The following AGBL4 variants were observed in gnomAD, a reference collection of about 807,000 sequenced individuals.
AGBL4 encodes AGBL carboxypeptidase 4, also known as cytosolic carboxypeptidase 6.
AGBL4 carries 58 observed loss-of-function variants against 66.4 expected under a neutral mutation model. The ratio of observed to expected loss-of-function variants is 0.87; its 90% CI spans 0.71 to 1.09. The LOEUF (loss-of-function observed/expected upper bound fraction) is 1.09. AGBL4 is among the 50% of genes least tolerant of loss of function. The probability of loss-of-function intolerance (pLI) is 0.00; values close to 1 mark genes in which losing one functional copy is unlikely to be tolerated. For missense variants in AGBL4, 579 were observed against 631.0 expected (o/e 0.92, Z 0.88); for synonymous variants, 234 against 222.9 (o/e 1.05, Z -0.44).
intron 4 of AGBL4, among the ~76,000 whole-genome samples, chr1:49,135,245 A>G (rs888336249): frequency 6.6e-6 from 1 of 152,124 alleles, no homozygotes; most frequent in African/African-American, 2.4e-5. Context: ...ATGATATATA[A>G]AATGTTTGTG....
At chr1:48,746,352 T>C (rs10888620) in intron 6 of AGBL4, among the ~76,000 whole-genome samples, 90,254 of 151,962 alleles carry the variant, frequency 0.59, 29,967 homozygotes, top group Non-Finnish European at 0.77. Flanking sequence ...GCTGTTCTGC[T>C]TTTGCCCCTA....
chr1:49,236,635 CA>C (rs1557754698), intron 4 of AGBL4, among the ~76,000 whole-genome samples: 2 of 152,086 alleles, frequency 1.3e-5, no homozygotes, highest in African/African-American at 2.4e-5. Context: ...AAAGTTTCCC[CA>C]AAGACTGCAT....
At chr1:49,969,244 C>A (rs1218065196) in intron 1 of AGBL4, among the ~76,000 whole-genome samples, 1 of 152,132 alleles carries the variant, frequency 6.6e-6, no homozygotes, top group Non-Finnish European at 1.5e-5. Flanking sequence ...ATGTATACAA[C>A]TCGATGAGTT....
chr1:48,814,757 G>A lies in AGBL4; in HGVS notation c.634+52434C>T, dbSNP rs142863304. ...CAGGATGTCAGTCTTTTTGATGATT[G>A]ACTAGTATTCCATTGTGTATATACA... On this transcript the variant is annotated intron_variant, in intron 6 of 13. Transcript: ENST00000371839. Among the ~76,000 whole-genome samples the A allele has an allele frequency of 2.6e-5, 4 of 151,962 alleles. No individual in the cohort carries two copies. In the East Asian group the frequency reaches 7.7e-4, roughly 29 times the overall value.
At chr1:48,903,714 T>C (rs536735176) in intron 5 of AGBL4, among the ~76,000 whole-genome samples, 11 of 152,288 alleles carry the variant, frequency 7.2e-5, no homozygotes, top group African/African-American at 2.4e-4. Context: ...GTGCTAGGCA[T>C]TGGGGAGATA....
chr1:49,298,818 T>G (rs1006010206), intron 3 of AGBL4, among the ~76,000 whole-genome samples: 3 of 152,224 alleles, frequency 2.0e-5, no homozygotes, highest in Non-Finnish European at 4.4e-5. Flanking sequence ...AAACTTTCTT[T>G]GAATCATTTT....
chr1:48,701,752 T>A (rs78158604), intron 6 of AGBL4, among the ~76,000 whole-genome samples: 1 of 152,240 alleles, frequency 6.6e-6, no homozygotes, highest in Non-Finnish European at 1.5e-5. Flanking sequence ...ATTCACCAAA[T>A]AGTTTTTGAG....
chr1:49,581,730 T>A (rs1644545368), intron 3 of AGBL4, among the ~76,000 whole-genome samples: 1 of 152,190 alleles, frequency 6.6e-6, no homozygotes, highest in Admixed American at 6.5e-5. Context: ...GTAGTGGTGA[T>A]GAGCTATTCA....
chr1:49,870,682 A>G (rs1321711673), intron 1 of AGBL4, among the ~76,000 whole-genome samples: 1 of 152,110 alleles, frequency 6.6e-6, no homozygotes, highest in African/African-American at 2.4e-5. Context: ...AAAGATTTGA[A>G]TAAGTGTTTC....
At chr1:49,599,976 G>A (rs576747768) in intron 3 of AGBL4, among the ~76,000 whole-genome samples, 5 of 152,210 alleles carry the variant, frequency 3.3e-5, no homozygotes, top group Admixed American at 3.3e-4. Context: ...TCTGAGAGAC[G>A]ATTGGTTATG....
rs1185946327 is a variant in AGBL4 at position 49,557,039 on chromosome 1, G to A, written c.282+140274C>T. ...CCCAGCCCTCGCTCACTCGGAACTC[G>A]CACTGGCCCGTGATTGCTGCGTGCA... is the stretch of plus-strand genomic sequence containing the variant. On this transcript the variant is annotated intron_variant, in intron 3 of 13. Transcript: ENST00000371839. 6.6e-5 allele frequency among the ~76,000 whole-genome samples: 10 copies of A among 152,172 alleles called. No homozygotes were observed. In the East Asian group the frequency reaches 1.6e-3, roughly 24 times the overall value.
chr1:48,929,009 A>T (rs1278164816), intron 5 of AGBL4, among the ~76,000 whole-genome samples: 1 of 152,108 alleles, frequency 6.6e-6, no homozygotes, highest in Non-Finnish European at 1.5e-5. Flanking sequence ...TTGGTTAGTT[A>T]TGCTACCTGC....
chr1:49,389,713 C>G (rs574583811), intron 3 of AGBL4, among the ~76,000 whole-genome samples: 7 of 152,076 alleles, frequency 4.6e-5, no homozygotes, highest in Non-Finnish European at 8.8e-5. Flanking sequence ...GTTTATAGAG[C>G]TGACAGTGAG....
chr1:50,007,539 G>A (rs917425592), intron 1 of AGBL4, among the ~76,000 whole-genome samples: 2 of 152,150 alleles, frequency 1.3e-5, no homozygotes, highest in Non-Finnish European at 2.9e-5. Context: ...GAGGAGGGAG[G>A]ATTGGTTGAG....
chr1:49,718,728 G>A (rs994353453), intron 2 of AGBL4, among the ~76,000 whole-genome samples: 3 of 151,850 alleles, frequency 2.0e-5, no homozygotes, highest in Non-Finnish European at 4.4e-5. Flanking sequence ...AGAATAATGA[G>A]GGTATCTGCT....
chr1:48,802,193 G>A (rs1645825438), intron 6 of AGBL4, among the ~76,000 whole-genome samples: 1 of 152,036 alleles, frequency 6.6e-6, no homozygotes, highest in African/African-American at 2.4e-5. Flanking sequence ...AACACACCAT[G>A]CTTTTTTATG....
intron 9 of AGBL4, among the ~76,000 whole-genome samples, chr1:48,608,572 T>TGGAC: frequency 1.3e-5 from 2 of 151,770 alleles, no homozygotes; most frequent in African/African-American, 4.8e-5. Context: ...GATGGATGGA[T>TGGAC]AGATGGATGG....
At chr1:49,770,069 G>A (rs866751194) in intron 2 of AGBL4, among the ~76,000 whole-genome samples, 3 of 152,264 alleles carry the variant, frequency 2.0e-5, no homozygotes, top group Middle Eastern at 3.4e-3. Context: ...GCTGGGCGCG[G>A]TGACTCACGC....
intron 3 of AGBL4, among the ~76,000 whole-genome samples, chr1:49,584,275 G>A (rs1040493827): frequency 6.6e-6 from 1 of 152,110 alleles, no homozygotes; most frequent in Non-Finnish European, 1.5e-5. Context: ...TTTGACATTA[G>A]TTTTTTAAAT....
Sources: allele counts gnomAD v4.1 joint callset (sites outside exome capture counted in the v4.1 genomes callset), GRCh38; gene constraint gnomAD v4.1.1; transcripts MANE v1.5; gene names NCBI Gene and HGNC (gene_info 2026-07-23, HGNC 2026-07-21).